The following KMT2C variants were observed in gnomAD, a reference collection of about 807,000 sequenced individuals.
KMT2C encodes lysine methyltransferase 2C, also known as histone-lysine N-methyltransferase 2C.
In KMT2C, 88 loss-of-function variants were observed where a neutral mutation model predicts 507.9. The ratio of observed to expected loss-of-function variants is 0.17; its 90% CI spans 0.15 to 0.21. The LOEUF (loss-of-function observed/expected upper bound fraction) is 0.21. Among genes scored for constraint, KMT2C ranks in the 10% least tolerant of loss-of-function variants. The pLI, the probability that KMT2C is intolerant of heterozygous loss-of-function variation, is 1.00. For missense variants in KMT2C, 4,954 were observed against 5,957.8 expected (o/e 0.83, Z 5.55); for synonymous variants, 2,049 against 2,080.8 (o/e 0.98, Z 0.42).
intron 1 of KMT2C, among the ~76,000 whole-genome samples, chr7:152,393,832 C>T (rs1448913595): frequency 7.1e-6 from 1 of 141,098 alleles, no homozygotes; most frequent in Admixed American, 7.8e-5. Flanking sequence ...GCAGAGGATG[C>T]AGTGCAGTGA....
intron 6 of KMT2C, among the ~76,000 whole-genome samples, chr7:152,284,958 G>GA (rs1206785414): frequency 2.3e-4 from 35 of 152,246 alleles, no homozygotes; most frequent in African/African-American, 8.4e-4. Flanking sequence ...CAGATCTCTA[G>GA]AAACGGAGAA....
chr7:152,149,024 G>A lies in KMT2C; in HGVS notation c.12903C>T (p.Pro4301=). ...CLPQLPEKAS[P]PASPPIAFPP... is the part of the protein sequence containing the mutation. The stretch of plus-strand genomic sequence containing the variant: ...GGAAGGCGATGGGTGGTGAGGCAGG[G>A]GGAGAAGCTTTCTCTGGGAGCTGGG... The change falls in exon 52 of 59, where the codon CCC becomes CCT. Residue 4301 remains proline (P), a synonymous_variant. Transcript: ENST00000262189. 1.9e-6 allele frequency: 3 copies of A among 1,539,646 alleles called. No homozygotes were observed. Among genetic ancestry groups the A allele is most frequent in the Non-Finnish European group, 2.6e-6 (3 of 1,147,904 alleles).
rs2129092451 is a variant in KMT2C at position 152,144,512 on chromosome 7, T to A, written c.14343+201A>T. ...TGGATTCCACTGGTCTGCTTTCCCT[T>A]TGGGGAAGCCAATCACCAAGTCCCA... On this transcript the variant is annotated intron_variant, in intron 55 of 58. Transcript: ENST00000262189. This position sits in a 1 kb window ranked among gnomAD's most constrained non-coding sequence, Gnocchi z 4.4. Among the ~76,000 whole-genome samples the A allele has an allele frequency of 6.6e-6, 1 of 152,338 alleles. No homozygotes were observed. Among genetic ancestry groups the A allele is most frequent in the African/African-American group, 2.4e-5 (1 of 41,574 alleles).
rs1417315920 is a variant in KMT2C at position 152,152,716 on chromosome 7, G to A, written c.12515C>T (p.Pro4172Leu). 3 of 1,613,880 alleles carry A rather than the reference G, an allele frequency of 1.9e-6. No individual in the cohort carries two copies. Among genetic ancestry groups the A allele is most frequent in the Admixed American group, 1.7e-5 (1 of 60,006 alleles). ...GCTCACTAGCTCACCATTGCTTGTT[G>A]GAGGAAATGGTACATTAGGCTGCTT... ...RLKQPNVPFP[P>L]TSNGLSGYKD... is the part of the protein sequence containing the mutation. The change falls in exon 49 of 59, where the codon CCA (proline) becomes CTA (leucine). Residue 4172 changes from proline to leucine, a missense_variant. Physicochemically the swap from Pro to Leu is moderately conservative, Grantham distance 98. Around this residue, in one of 29 missense-constraint regions of KMT2C, gnomAD observed 417 missense variants for 461.1 expected, o/e 0.90. Transcript: ENST00000262189.
At position 152,362,721 on chromosome 7, in the gene KMT2C, T is replaced by G. The variant is rs927271562; in HGVS notation, c.162-4046A>C. Among the ~76,000 whole-genome samples the G allele has an allele frequency of 3.9e-5, 6 of 152,230 alleles. No homozygotes were observed. The South Asian group carries it at 1.0e-3, about 26-fold the overall frequency. ...ATCACTGTCTATGCTGTTGTTTGTT[T>G]TGGCACAACTGGCTTTATTTCAAGC... On this transcript the variant is annotated intron_variant, in intron 1 of 58. Transcript: ENST00000262189.
chr7:152,348,599 T>TAAAAAAAA (rs201530125), intron 2 of KMT2C, among the ~76,000 whole-genome samples: 153 of 48,732 alleles, frequency 3.1e-3, no homozygotes, highest in Non-Finnish European at 5.4e-3. Flanking sequence ...AACTCTGTCT[T>TAAAAAAAA]AAAAAAAAAA....
Position 152,171,300 on chromosome 7 carries a change from A to C in KMT2C, c.9417T>G (p.Ser3139Arg), listed in dbSNP as rs754391651. The C allele has an allele frequency of 6.2e-7, 1 of 1,610,486 alleles. No homozygotes were observed. The highest frequency in any genetic ancestry group is 1.1e-5 in the South Asian group (1 of 90,124). ...MGQVVTGTQN[S>R]EGQNLGPQAI... ...CCTGTGGTCCAAGGTTCTGTCCTTC[A>C]CTGTTCTGTGTTCCAGTTACCACCT... Residue 3139 changes from serine to arginine, a missense_variant, in exon 40 of 59, where the codon AGT becomes AGG. By Grantham distance (110) the Ser-to-Arg change is moderately radical. Transcript: ENST00000262189.
At position 152,152,895 on chromosome 7, in the gene KMT2C, G is replaced by A. The variant is rs2129097689; in HGVS notation, c.12336C>T (p.Ser4112=). 6.2e-7 allele frequency: 1 copy of A among 1,614,198 alleles called. No individual in the cohort carries two copies. The highest frequency in any genetic ancestry group is 8.5e-7 in the Non-Finnish European group (1 of 1,180,040). Residue 4112 remains serine (S), a synonymous_variant, in exon 49 of 59, where the codon AGC becomes AGT. Transcript: ENST00000262189. The stretch of plus-strand genomic sequence containing the variant: ...CATCTGGAGCACTGCTAACCTCATA[G>A]CTGTTAGGGATTCGGACGTGAAGAA... ...SDLLHVRIPN[S]YEVSSAPDVP... is the part of the protein sequence containing the mutation.
chr7:152,320,129 G>C (rs1415989276), intron 3 of KMT2C, among the ~76,000 whole-genome samples: 1 of 152,014 alleles, frequency 6.6e-6, no homozygotes, highest in East Asian at 1.9e-4. Flanking sequence ...TGTGGGGCTG[G>C]ACCCTACAAA....
At chr7:152,388,128 TA>T (rs201474078) in intron 1 of KMT2C, among the ~76,000 whole-genome samples, 7 of 97,172 alleles carry the variant, frequency 7.2e-5, no homozygotes, top group African/African-American at 1.9e-4. Context: ...AAAAATAAAA[TA>T]AAAAAATTGT....
rs906945499 is a variant in KMT2C, at chr7:152,150,830, C to T, written c.12774+70G>A. ...GAAGGCAGGGACACATCTTTATTCA[C>T]TCCCATATGCCCAGAACACAGAAGT... On this transcript the variant is annotated intron_variant, in intron 51 of 58. Transcript: ENST00000262189. 42 of 1,057,330 alleles carry T rather than the reference C, an allele frequency of 4.0e-5. No individual in the cohort carries two copies. In the Admixed American group the frequency reaches 7.6e-4, roughly 19 times the overall value. 65.5% of individuals were successfully genotyped at this position (1,057,330 alleles called of 1,614,324 possible).
At chr7:152,358,446 A>G (rs890308222) in intron 2 of KMT2C, 141 bp downstream of exon 2, 56 of 515,242 alleles carry the variant, frequency 1.1e-4, no homozygotes, top group Admixed American at 3.5e-5. Context: ...TTAGTTATCA[A>G]AACAAGGCAG....
chr7:152,290,238 G>GTGTGTGTA (rs1554617082), intron 6 of KMT2C, among the ~76,000 whole-genome samples: 111 of 100,694 alleles, frequency 1.1e-3, no homozygotes, highest in African/African-American at 5.1e-3. Context: ...GTGTGTGTGT[G>GTGTGTGTA]TGTGTGTGTG....
At chr7:152,140,040 G>A (rs1435448045) in intron 55 of KMT2C, among the ~76,000 whole-genome samples, 1 of 152,124 alleles carries the variant, frequency 6.6e-6, no homozygotes, top group African/African-American at 2.4e-5. Flanking sequence ...TATGTATAAA[G>A]TAGTACTGTG....
At chr7:152,237,440 T>G (rs1358593643) in intron 15 of KMT2C, among the ~76,000 whole-genome samples, 14 of 152,218 alleles carry the variant, frequency 9.2e-5, no homozygotes, top group Non-Finnish European at 1.5e-4. Context: ...TTTTGAGAAG[T>G]GCATCAGCTT....
intron 1 of KMT2C, among the ~76,000 whole-genome samples, chr7:152,421,423 A>T (rs2097776619): frequency 6.6e-6 from 1 of 152,196 alleles, no homozygotes. Context: ...TCGTTCTACC[A>T]TAAAGACACA....
At chr7:152,300,377 T>C (rs2096555587) in intron 6 of KMT2C, among the ~76,000 whole-genome samples, 1 of 152,198 alleles carries the variant, frequency 6.6e-6, no homozygotes, top group Non-Finnish European at 1.5e-5. Context: ...ATCCTGCTAT[T>C]CTTTTTATGA....
Position 152,162,592 on chromosome 7 carries a change from T to C in KMT2C, c.10985A>G (p.Glu3662Gly), listed in dbSNP as rs1563199533. The change falls in exon 43 of 59, where the codon GAA becomes GGA. Residue 3662 changes from glutamate (E) to glycine (G), a missense_variant. Physicochemically the swap from Glu to Gly is moderately conservative, Grantham distance 98. Coordinates refer to ENST00000262189, the MANE Select transcript of KMT2C (RefSeq NM_170606.3). ...ATTGGGAGTGGATGGGCCGACTGGT[T>C]CCACCGACTCTTGGTCGGCTTGTTG... ...LPQQADQESV[E>G]PVGPSTPNMA... The C allele has an allele frequency of 4.3e-6, 7 of 1,614,208 alleles. No homozygotes were observed. Among genetic ancestry groups the C allele is most frequent in the Admixed American group, 1.7e-5 (1 of 60,028 alleles).
intron 9 of KMT2C, among the ~76,000 whole-genome samples, chr7:152,256,348 A>G (rs1235106972): frequency 6.6e-6 from 1 of 152,004 alleles, no homozygotes; most frequent in South Asian, 2.1e-4. Flanking sequence ...TAATAAAAAC[A>G]AAGTCAAAAG....
Sources: allele counts gnomAD v4.1 joint callset (sites outside exome capture counted in the v4.1 genomes callset), GRCh38; gene constraint gnomAD v4.1.1; regional missense constraint gnomAD v4.1.1; non-coding constraint Gnocchi (gnomAD v3.1); transcripts MANE v1.5; gene names NCBI Gene and HGNC (gene_info 2026-07-23, HGNC 2026-07-21).